FREM3: variants seen among roughly 807,000 people sequenced by gnomAD.
FREM3 encodes FRAS1 related extracellular matrix 3.
In FREM3, 105 loss-of-function variants were observed where a neutral mutation model predicts 129.1. The ratio of observed to expected loss-of-function variants is 0.81; its 90% CI spans 0.69 to 0.96. The LOEUF is 0.96. Among genes scored for constraint, FREM3 ranks in the 40% least tolerant of loss-of-function variants. FREM3 has a pLI of 0.00. For synonymous variants in FREM3, 1,014 were observed against 1,044.9 expected, an observed-to-expected ratio of 0.97 and a Z score of 0.57; for missense variants, 2,593 against 2,666.3, an observed-to-expected ratio of 0.97 and a Z score of 0.61.
intron 6 of FREM3, among the ~76,000 whole-genome samples, chr4:143,608,829 A>G (rs1021704953): frequency 5.9e-5 from 9 of 152,260 alleles, no homozygotes; most frequent in African/African-American, 1.7e-4. Flanking sequence ...GACAAAATAG[A>G]TAGCTTAAAA....
chr4:143,680,735 A>T (rs1425496863), intron 2 of FREM3, among the ~76,000 whole-genome samples: 1 of 152,080 alleles, frequency 6.6e-6, no homozygotes, highest in African/African-American at 2.4e-5. Flanking sequence ...GACTACCTAG[A>T]GACATTTCTA....
chr4:143,700,601 A>T lies in FREM3; in HGVS notation c.75T>A (p.Ser25Arg). The change falls in exon 1 of 8, where the codon AGT (serine) becomes AGA (arginine). Residue 25 changes from serine (S) to arginine (R), a missense_variant. Ser to Arg is a moderately radical substitution (Grantham distance 110). Around this residue, in one of 2 missense-constraint regions of FREM3, gnomAD observed 2,276 missense variants for 2,267.2 expected, o/e 1.00. Transcript: ENST00000329798. ...ATGCCCGTCCCTGCAGCGCGGGGCG[A>T]CTCAAGAGCAGGCAGGCGAGCGCCA... Reference protein sequence around the residue: ...LLVALACLLLSRPALQGRASS... With the variant: ...LLVALACLLLRRPALQGRASS... The T allele has an allele frequency of 6.8e-7, 1 of 1,465,010 alleles. No homozygotes were observed. The highest frequency in any genetic ancestry group is 9.0e-7 in the Non-Finnish European group (1 of 1,109,930). The allele number at this position is 1,465,010 out of a possible 1,614,324, so 90.8% of individuals were successfully genotyped here.
intron 2 of FREM3, among the ~76,000 whole-genome samples, chr4:143,654,259 C>T (rs937345809): frequency 3.3e-5 from 5 of 152,084 alleles, no homozygotes; most frequent in Admixed American, 6.5e-5. Context: ...TGTGCCACCA[C>T]GGCCCACTAA....
intron 2 of FREM3, among the ~76,000 whole-genome samples, chr4:143,640,805 G>T (rs1739309635): frequency 6.6e-6 from 1 of 152,006 alleles, no homozygotes. Context: ...GCCAGGCTGT[G>T]AACCAATCTT....
intron 2 of FREM3, among the ~76,000 whole-genome samples, chr4:143,666,427 G>T (rs887368423): frequency 6.6e-6 from 1 of 152,222 alleles, no homozygotes; most frequent in Non-Finnish European, 1.5e-5. Context: ...AAAGATACTT[G>T]TATGCCAGTG....
intron 2 of FREM3, among the ~76,000 whole-genome samples, chr4:143,684,151 C>G (rs1033593960): frequency 1.3e-5 from 2 of 152,100 alleles, no homozygotes; most frequent in African/African-American, 2.4e-5. Context: ...CCCATACTAC[C>G]ACAGCTGATG....
chr4:143,635,607 A>G (rs570419909), intron 2 of FREM3, among the ~76,000 whole-genome samples: 5 of 152,348 alleles, frequency 3.3e-5, no homozygotes, highest in Non-Finnish European at 7.4e-5. Flanking sequence ...ATCACCACTG[A>G]TTAAGAACTA....
intron 7 of FREM3, among the ~76,000 whole-genome samples, chr4:143,578,060 C>T (rs1428649620): frequency 6.6e-6 from 1 of 152,254 alleles, no homozygotes; most frequent in Non-Finnish European, 1.5e-5. Flanking sequence ...GCCCACGTGC[C>T]ATCCTCACCA....
At chr4:143,664,685 C>G (rs1253130772) in intron 2 of FREM3, among the ~76,000 whole-genome samples, 2 of 152,154 alleles carry the variant, frequency 1.3e-5, no homozygotes, top group African/African-American at 4.8e-5. Context: ...TGCCCTGCCC[C>G]CAGAGGTGGA....
chr4:143,595,860 T>A (rs183667339), intron 6 of FREM3, among the ~76,000 whole-genome samples: 1 of 132,680 alleles, frequency 7.5e-6, no homozygotes, highest in Non-Finnish European at 1.6e-5. Context: ...TGCACTCCAG[T>A]CTGGGCGACA....
At chr4:143,595,127 G>C (rs1445689468) in intron 6 of FREM3, among the ~76,000 whole-genome samples, 1 of 152,218 alleles carries the variant, frequency 6.6e-6, no homozygotes, top group Non-Finnish European at 1.5e-5. Context: ...CTTAATGCCA[G>C]GTTTTGCAGG....
At chr4:143,579,950 A>G (rs1383471860) in intron 7 of FREM3, among the ~76,000 whole-genome samples, 1 of 152,194 alleles carries the variant, frequency 6.6e-6, no homozygotes, top group Non-Finnish European at 1.5e-5. Context: ...AGGCGTCATT[A>G]CTTTTATGCA....
At chr4:143,600,158 A>G (rs943603504) in intron 6 of FREM3, among the ~76,000 whole-genome samples, 1 of 152,202 alleles carries the variant, frequency 6.6e-6, no homozygotes, top group Non-Finnish European at 1.5e-5. Flanking sequence ...TAGCATAAAA[A>G]GGAACAAAAT....
At chr4:143,591,249 C>G (rs1195556541) in intron 6 of FREM3, among the ~76,000 whole-genome samples, 1 of 152,162 alleles carries the variant, frequency 6.6e-6, no homozygotes, top group Non-Finnish European at 1.5e-5. Context: ...TTCAGTTCTG[C>G]TCTTATCTTA....
At chr4:143,628,298 T>C (rs143799740) in intron 2 of FREM3, among the ~76,000 whole-genome samples, 2 of 152,288 alleles carry the variant, frequency 1.3e-5, no homozygotes, top group African/African-American at 4.8e-5. Context: ...AAACTACCCA[T>C]GAAGAGGACA....
chr4:143,612,098 T>C (rs1738767131), intron 5 of FREM3, among the ~76,000 whole-genome samples: 1 of 152,248 alleles, frequency 6.6e-6, no homozygotes, highest in Admixed American at 6.5e-5. Context: ...GTTATTTTAA[T>C]AGTTTACTTA....
chr4:143,671,025 A>G (rs111903557), intron 2 of FREM3, among the ~76,000 whole-genome samples: 4 of 152,268 alleles, frequency 2.6e-5, no homozygotes, highest in African/African-American at 4.8e-5. Flanking sequence ...ACGCCACAAT[A>G]TATTCATTTT....
In FREM3 at chr4:143,698,097, T is replaced by C. The variant is rs1330417709; in HGVS notation, c.2579A>G (p.Asp860Gly). Residue 860 changes from aspartate to glycine, a missense_variant, in exon 1 of 8, where the codon GAC becomes GGC. Around this residue, in one of 2 missense-constraint regions of FREM3, gnomAD observed 2,276 missense variants for 2,267.2 expected, o/e 1.00. Transcript: ENST00000329798. ...NELHVTDPDT[D>G]IDQIVFILVR... is the part of the protein sequence containing the mutation. ...TAATATGAAGACAATTTGGTCAATG[T>C]CTGTGTCTGGGTCTGTAACATGCAG... is the stretch of plus-strand genomic sequence containing the variant. 23 of 1,537,440 alleles carry C rather than the reference T, an allele frequency of 1.5e-5. No individual in the cohort carries two copies. The highest frequency in any genetic ancestry group is 2.0e-5 in the Non-Finnish European group (23 of 1,146,958).
chr4:143,690,017 TAAA>T (rs34995101), intron 2 of FREM3, among the ~76,000 whole-genome samples: 9,895 of 136,506 alleles, frequency 0.072, 886 homozygotes, highest in African/African-American at 0.2. Flanking sequence ...ATGGAAAAAT[TAAA>T]AAAAAAAAAA....
Sources: allele counts gnomAD v4.1 joint callset (sites outside exome capture counted in the v4.1 genomes callset), GRCh38; gene constraint gnomAD v4.1.1; regional missense constraint gnomAD v4.1.1; transcripts MANE v1.5; gene names NCBI Gene and HGNC (gene_info 2026-07-23, HGNC 2026-07-21).